Variants in SPNS3 observed in about 807,000 individuals in gnomAD.
SPNS3 encodes the protein SPNS lysolipid transporter 3, sphingosine-1-phosphate (putative).
In SPNS3, 51 loss-of-function variants were observed where a neutral mutation model predicts 54.4. The observed-to-expected ratio is 0.94, with a 90% confidence interval of 0.75 to 1.18. The LOEUF (loss-of-function observed/expected upper bound fraction) is 1.18. Ranked by LOEUF, SPNS3 falls within the 50% of genes most tolerant of loss-of-function variation. SPNS3 has a pLI of 0.00. For missense variants in SPNS3, 669 were observed against 677.4 expected (o/e 0.99, Z 0.14); for synonymous variants, 309 against 294.7 (o/e 1.05, Z -0.50).
intron 8 of SPNS3, among the ~76,000 whole-genome samples, chr17:4,460,916 T>G (rs959131930): frequency 6.6e-6 from 1 of 152,196 alleles, no homozygotes; most frequent in African/African-American, 2.4e-5. Flanking sequence ...GAAGACTTCA[T>G]GAAGAATTTG....
At chr17:4,444,700 C>T (rs577741182) in intron 2 of SPNS3, among the ~76,000 whole-genome samples, 1 of 152,252 alleles carries the variant, frequency 6.6e-6, no homozygotes, top group African/African-American at 2.4e-5. Context: ...GGCATCTGCT[C>T]CATGCCTGAC....
At position 4,487,956 on chromosome 17, in the gene SPNS3, T is replaced by C; in HGVS notation, c.*62T>C. On this transcript the variant is annotated 3_prime_UTR_variant, in exon 12 of 12. Coordinates refer to ENST00000355530, the MANE Select transcript of SPNS3 (RefSeq NM_182538.5). ...CGTTGGTCCCCACAGCAGCAGTGCC[T>C]CGGTTCCTCTTTGGCTGTCCTCGGG... 6.8e-7 allele frequency: 1 copy of C among 1,467,328 alleles called. No homozygotes were observed. The highest frequency in any genetic ancestry group is 9.5e-7 in the Non-Finnish European group (1 of 1,050,114). The allele number at this position is 1,467,328 out of a possible 1,614,324, so 90.9% of individuals were successfully genotyped here.
At chr17:4,444,503 G>A (rs1423901307) in intron 2 of SPNS3, among the ~76,000 whole-genome samples, 1 of 151,964 alleles carries the variant, frequency 6.6e-6, no homozygotes, top group African/African-American at 2.4e-5. Flanking sequence ...GATTACAGGC[G>A]TGAGCCACCG....
chr17:4,445,161 C>A lies in SPNS3; in HGVS notation c.395C>A (p.Ser132Tyr). The A allele has an allele frequency of 6.2e-7, 1 of 1,611,276 alleles. No individual in the cohort carries two copies. The highest frequency in any genetic ancestry group is 8.5e-7 in the Non-Finnish European group (1 of 1,178,184). Residue 132 changes from serine to tyrosine, a missense_variant, in exon 3 of 12, where the codon TCC (serine) becomes TAC (tyrosine). Coordinates refer to ENST00000355530, the MANE Select transcript of SPNS3 (RefSeq NM_182538.5). Reference protein sequence around the residue: ...SGAGLSSSFISPRYSWLFFLS... With the variant: ...SGAGLSSSFIYPRYSWLFFLS... ...GCTGGCCTCTCTAGCTCCTTCATCT[C>A]CCCCCGGGTACGTGTCCATGCCCCT... is the stretch of plus-strand genomic sequence containing the variant.
chr17:4,449,360 T>G lies in SPNS3; in HGVS notation c.896T>G (p.Phe299Cys), dbSNP rs1458394710. 3 of 1,606,210 alleles carry G rather than the reference T, an allele frequency of 1.9e-6. No individual in the cohort carries two copies. Among genetic ancestry groups the G allele is most frequent in the Non-Finnish European group, 2.5e-6 (3 of 1,178,926 alleles). The change falls in exon 7 of 12, where the codon TTC becomes TGC. Residue 299 changes from phenylalanine to cysteine, a missense_variant. Phe to Cys is a radical substitution (Grantham distance 205, BLOSUM62 -2). Coordinates refer to ENST00000355530, the MANE Select transcript of SPNS3 (RefSeq NM_182538.5). ...RVVHGLQPPC[F>C]QEPCSNPDSL... ...GTTCACGGGCTGCAGCCTCCCTGCTTCCAGGAGCCGTGCAGCAACCCCGAC... is the reference window on the plus strand; with the variant it reads ...GTTCACGGGCTGCAGCCTCCCTGCTGCCAGGAGCCGTGCAGCAACCCCGAC...
chr17:4,485,400 AT>A lies in SPNS3; in HGVS notation c.1180-814del, dbSNP rs35169625. 3.4e-3 allele frequency among the ~76,000 whole-genome samples: 475 copies of A among 140,334 alleles called. 3 individuals carry two copies. In the South Asian group the frequency reaches 0.037, roughly 11 times the overall value. 92.1% of individuals were successfully genotyped at this position (140,334 alleles called of 152,430 possible). ...GACACCAGAGTTCTTTATTTTTTTT[AT>A]TTTTTTTTTTTTTGAGATGGGATTT... On this transcript the variant is annotated intron_variant, in intron 9 of 11. Transcript: ENST00000355530.
At chr17:4,434,760 G>A (rs1345802802) in intron 1 of SPNS3, among the ~76,000 whole-genome samples, 15 of 150,786 alleles carry the variant, frequency 9.9e-5, no homozygotes, top group Admixed American at 2.0e-4. Flanking sequence ...CACCCGCCTC[G>A]GCCTCCCAAA....
At chr17:4,479,502 C>T (rs1972099954) in intron 9 of SPNS3, among the ~76,000 whole-genome samples, 1 of 152,246 alleles carries the variant, frequency 6.6e-6, no homozygotes, top group Non-Finnish European at 1.5e-5. Flanking sequence ...TTCGTCCAGC[C>T]TCCTTGCCTC....
chr17:4,458,461 C>T (rs1416774417), intron 8 of SPNS3, among the ~76,000 whole-genome samples: 1 of 75,600 alleles, frequency 1.3e-5, no homozygotes, highest in Non-Finnish European at 3.8e-5. Context: ...TTTCTTCTTT[C>T]TTTCTTTCCA....
intron 8 of SPNS3, among the ~76,000 whole-genome samples, chr17:4,469,576 G>A (rs973851425): frequency 3.6e-5 from 5 of 137,592 alleles, no homozygotes; most frequent in African/African-American, 5.7e-5. Flanking sequence ...CCAGGATCGC[G>A]CCACTGCACG....
intron 1 of SPNS3, 75 bp downstream of exon 1, chr17:4,434,241 C>A: frequency 7.1e-7 from 1 of 1,401,442 alleles, no homozygotes; most frequent in Non-Finnish European, 9.8e-7. Context: ...TCCATGGTGG[C>A]CTTCCAGCCA....
At chr17:4,485,559 G>A (rs1485375159) in intron 9 of SPNS3, among the ~76,000 whole-genome samples, 1 of 152,032 alleles carries the variant, frequency 6.6e-6, no homozygotes, top group African/African-American at 2.4e-5. Context: ...CACCACGCCG[G>A]CTAGTTTTTG....
At position 4,487,933 on chromosome 17, in the gene SPNS3, T is replaced by C. The variant is rs774595509; in HGVS notation, c.*39T>C. 2.3e-5 allele frequency: 37 copies of C among 1,586,164 alleles called. No individual in the cohort carries two copies. In the Admixed American group the frequency reaches 5.4e-4, roughly 23 times the overall value. On this transcript the variant is annotated 3_prime_UTR_variant, in exon 12 of 12. Transcript: ENST00000355530. ...ACTCGTCCTGCCTGCAAGCCTCCCGTTGGTCCCCACAGCAGCAGTGCCTCG... is the reference window on the plus strand; with the variant it reads ...ACTCGTCCTGCCTGCAAGCCTCCCGCTGGTCCCCACAGCAGCAGTGCCTCG...
chr17:4,484,704 T>C (rs1373113153), intron 9 of SPNS3, among the ~76,000 whole-genome samples: 3 of 152,056 alleles, frequency 2.0e-5, no homozygotes, highest in African/African-American at 4.8e-5. Context: ...CCTGTGGCTG[T>C]CCAGTTGGGT....
chr17:4,444,204 A>C (rs1377936166), intron 2 of SPNS3, among the ~76,000 whole-genome samples: 1 of 151,524 alleles, frequency 6.6e-6, no homozygotes, highest in Non-Finnish European at 1.5e-5. Context: ...ACTAGTTCAC[A>C]GTCAATATGC....
chr17:4,435,076 A>G (rs1270878118), intron 1 of SPNS3, among the ~76,000 whole-genome samples: 1 of 152,128 alleles, frequency 6.6e-6, no homozygotes, highest in Non-Finnish European at 1.5e-5. Flanking sequence ...TGTTGGGATT[A>G]TAGGCATGAG....
chr17:4,459,591 T>G (rs1008180981), intron 8 of SPNS3, among the ~76,000 whole-genome samples: 9 of 152,126 alleles, frequency 5.9e-5, no homozygotes, highest in African/African-American at 2.2e-4. Flanking sequence ...TGTGTGCCTG[T>G]GGTCTCAGCT....
At chr17:4,434,727 C>G (rs559565072) in intron 1 of SPNS3, among the ~76,000 whole-genome samples, 1 of 151,486 alleles carries the variant, frequency 6.6e-6, no homozygotes, top group East Asian at 2.0e-4. Context: ...AGGCTGGTCT[C>G]GAACTCCTGA....
Position 4,486,376 on chromosome 17 carries a change from G to T in SPNS3, c.1279-36G>T. 1 of 1,596,386 alleles carries T rather than the reference G, an allele frequency of 6.3e-7. No homozygotes were observed. On this transcript the variant is annotated intron_variant, in intron 10 of 11. Transcript: ENST00000355530. This position sits in a 1 kb window ranked among gnomAD's most constrained non-coding sequence, Gnocchi z 5.5. ...GTGGGGAGGGTCTGGGGGCCAGGCT[G>T]GTGGGCCTGGCAGACTCATCCCTTC...
Sources: gnomAD v4.1 joint callset for allele counts (sites outside exome capture counted in the v4.1 genomes callset) on GRCh38, gnomAD v4.1.1 for gene constraint, Gnocchi (gnomAD v3.1) non-coding constraint, MANE v1.5 for transcripts, NCBI Gene and HGNC (gene_info 2026-07-23, HGNC 2026-07-21) for gene names.